The following FTO variants were observed in gnomAD, a reference collection of about 807,000 sequenced individuals.
FTO encodes FTO alpha-ketoglutarate dependent dioxygenase, also known as alpha-ketoglutarate-dependent dioxygenase FTO.
In FTO, 47 loss-of-function variants were observed where a neutral mutation model predicts 63.9. That is an observed-to-expected ratio of 0.74 (90% CI 0.58 to 0.94). FTO has a LOEUF of 0.94. Ranked by LOEUF, FTO falls within the 40% of genes least tolerant of loss-of-function variation. FTO has a pLI of 0.00. For synonymous variants in FTO, 207 were observed against 224.4 expected, an observed-to-expected ratio of 0.92 and a Z score of 0.69; for missense variants, 562 against 618.1, an observed-to-expected ratio of 0.91 and a Z score of 0.96.
At chr16:53,731,991 G>A (rs916751571) in intron 1 of FTO, among the ~76,000 whole-genome samples, 2 of 149,850 alleles carry the variant, frequency 1.3e-5, no homozygotes, top group Middle Eastern at 3.4e-3. Flanking sequence ...CTCCCAAAGT[G>A]CTGGGATTAC....
At position 54,111,889 on chromosome 16, in the gene FTO, G is replaced by A; in HGVS notation, c.1492G>A (p.Gly498Ser). ...DLTDIVSELR[G>S]QLLEAKP ...CACAGACATCGTTTCAGAACTCAGA[G>A]GTCAGCTTCTGGAAGCAAAACCCTA... The change falls in exon 9 of 9, where the codon GGT (glycine) becomes AGT (serine). Residue 498 changes from glycine (G) to serine (S), a missense_variant. By Grantham distance (56) the Gly-to-Ser change is moderately conservative. Transcript: ENST00000471389. 6.2e-7 allele frequency: 1 copy of A among 1,614,124 alleles called. No homozygotes were observed. Among genetic ancestry groups the A allele is most frequent in the Non-Finnish European group, 8.5e-7 (1 of 1,180,036 alleles).
chr16:53,872,187 G>A (rs8060649), intron 4 of FTO, among the ~76,000 whole-genome samples: 88,675 of 152,034 alleles, frequency 0.58, 27,421 homozygotes, highest in East Asian at 0.86. Flanking sequence ...TGGGATCATA[G>A]AATACTCCTG....
At chr16:53,888,660 A>G (rs528030244) in intron 6 of FTO, among the ~76,000 whole-genome samples, 172 bp from the exon 7 acceptor site, 3 of 152,200 alleles carry the variant, frequency 2.0e-5, no homozygotes, top group South Asian at 4.1e-4. Context: ...AGCTTTGCAG[A>G]TATGCTCTGG....
intron 2 of FTO, chr16:53,814,841 T>A (rs1241981998): frequency 3.3e-5 from 5 of 152,254 alleles, no homozygotes; most frequent in African/African-American, 1.2e-4. Context: ...TCCCCGACTC[T>A]GTGCCAGGTA....
chr16:54,048,125 T>TAAAAAAAAAAAAA (rs2085220979), intron 8 of FTO, among the ~76,000 whole-genome samples: 1 of 34,728 alleles, frequency 2.9e-5, no homozygotes, highest in African/African-American at 3.8e-4. Context: ...AAAAAAAAAA[T>TAAAAAAAAAAAAA]TAAAAAAAAA....
intron 1 of FTO, among the ~76,000 whole-genome samples, chr16:53,719,261 T>C (rs1306745549): frequency 0.011 from 279 of 24,452 alleles, 1 homozygote; most frequent in Non-Finnish European, 0.026. Flanking sequence ...TTCTTTTTTT[T>C]TTTTTTTTTT....
chr16:54,111,776 T>G lies in FTO; in HGVS notation c.1379T>G (p.Ile460Ser). Residue 460 changes from isoleucine to serine, a missense_variant, in exon 9 of 9, where the codon ATT (isoleucine) becomes AGT (serine). By Grantham distance (142) the Ile-to-Ser change is moderately radical. Transcript: ENST00000471389. ...TACTCTTCCAGGTGCCAGTCACGAA[T>G]TGCCCGAACATTACCTGCTGATCAG... The part of the protein sequence containing the change: ...REWHARCQSR[I>S]ARTLPADQKP... 6.2e-7 allele frequency: 1 copy of G among 1,614,152 alleles called. No homozygotes were observed. Among genetic ancestry groups the G allele is most frequent in the South Asian group, 1.1e-5 (1 of 91,076 alleles).
At chr16:53,953,251 A>G (rs1264938118) in intron 8 of FTO, among the ~76,000 whole-genome samples, 2 of 152,234 alleles carry the variant, frequency 1.3e-5, no homozygotes, top group East Asian at 3.8e-4. Context: ...CAGGATCTGC[A>G]ACCTCCTTCT....
chr16:53,898,108 C>G (rs998793573), intron 7 of FTO, among the ~76,000 whole-genome samples: 1 of 152,116 alleles, frequency 6.6e-6, no homozygotes, highest in Non-Finnish European at 1.5e-5. Context: ...CGTTTCACTC[C>G]CCTGTTTCAA....
At chr16:54,011,871 T>A (rs1247075522) in intron 8 of FTO, among the ~76,000 whole-genome samples, 1 of 152,176 alleles carries the variant, frequency 6.6e-6, no homozygotes, top group Non-Finnish European at 1.5e-5. Context: ...TTGTGTGTGT[T>A]CTGAGTGATC....
intron 5 of FTO, among the ~76,000 whole-genome samples, chr16:53,874,874 G>A (rs1266444434): frequency 1.3e-5 from 2 of 152,068 alleles, no homozygotes; most frequent in East Asian, 3.9e-4. Context: ...ATATTTGAGT[G>A]CCTGTTATGT....
chr16:53,951,911 T>TC (rs760211152), intron 8 of FTO, among the ~76,000 whole-genome samples: 9 of 152,232 alleles, frequency 5.9e-5, no homozygotes, highest in Non-Finnish European at 8.8e-5. Context: ...GATCACATCA[T>TC]CAAAGTTTAT....
rs1406276443 is a variant in FTO, at chr16:53,901,660, GAAAGAC to G, written c.1239+12710_1239+12715del. 2.0e-5 allele frequency among the ~76,000 whole-genome samples: 3 copies of G among 152,170 alleles called. No homozygotes were observed. The East Asian group carries it at 5.8e-4, about 30-fold the overall frequency. On this transcript the variant is annotated intron_variant, in intron 7 of 8. Coordinates refer to ENST00000471389, the MANE Select transcript of FTO (RefSeq NM_001080432.3). ...CTTCAGCTTGTCAGTCACACCAATT[GAAAGAC>G]TGAGTAAATGTTCAGAACGTAAATG...
chr16:53,781,490 A>G (rs1055326606), intron 1 of FTO, among the ~76,000 whole-genome samples: 2 of 152,336 alleles, frequency 1.3e-5, no homozygotes, highest in Non-Finnish European at 2.9e-5. Context: ...TCAGTGGTGG[A>G]AGAAAAGTTA....
intron 8 of FTO, among the ~76,000 whole-genome samples, chr16:53,966,852 C>A (rs2083206301): frequency 6.6e-6 from 1 of 152,160 alleles, no homozygotes; most frequent in Non-Finnish European, 1.5e-5. Context: ...ATGAGCTAAA[C>A]CCTTCCCCGA....
chr16:53,738,623 C>T (rs2076448114), intron 1 of FTO, among the ~76,000 whole-genome samples: 1 of 152,066 alleles, frequency 6.6e-6, no homozygotes, highest in Non-Finnish European at 1.5e-5. Flanking sequence ...AGTGGAATTG[C>T]TGGGTCATAT....
At chr16:53,755,821 G>C (rs1175752177) in intron 1 of FTO, among the ~76,000 whole-genome samples, 1 of 152,140 alleles carries the variant, frequency 6.6e-6, no homozygotes, top group African/African-American at 2.4e-5. Context: ...CTGTCCCGCT[G>C]CCTGGAATGT....
chr16:53,955,869 C>T (rs994596491), intron 8 of FTO, among the ~76,000 whole-genome samples: 6 of 151,998 alleles, frequency 3.9e-5, no homozygotes, highest in African/African-American at 1.2e-4. Context: ...TGAGGCTGGG[C>T]GTGATGGCTC....
At chr16:54,056,770 C>A (rs551745748) in intron 8 of FTO, among the ~76,000 whole-genome samples, 1 of 152,320 alleles carries the variant, frequency 6.6e-6, no homozygotes, top group Admixed American at 6.5e-5. Flanking sequence ...ATGAGAAACC[C>A]TAAAACCAGA....
Sources: allele counts gnomAD v4.1 joint callset (sites outside exome capture counted in the v4.1 genomes callset), GRCh38; gene constraint gnomAD v4.1.1; transcripts MANE v1.5; gene names NCBI Gene and HGNC (gene_info 2026-07-23, HGNC 2026-07-21).